MAP3K2: variants seen among roughly 807,000 people sequenced by gnomAD.
MAP3K2 encodes the protein mitogen-activated protein kinase kinase kinase 2.
In MAP3K2, 24 loss-of-function variants were observed where a neutral mutation model predicts 80.3. The ratio of observed to expected loss-of-function variants is 0.30; its 90% CI spans 0.22 to 0.42. The LOEUF (loss-of-function observed/expected upper bound fraction) is 0.42, where lower values mean the gene tolerates loss of function less well. Among genes scored for constraint, MAP3K2 ranks in the 10% least tolerant of loss-of-function variants. MAP3K2 has a pLI of 1.00. For synonymous variants in MAP3K2, 244 were observed against 253.7 expected (o/e 0.96, Z 0.36); for missense variants, 608 against 750.1 (o/e 0.81, Z 2.21).
Position 127,317,710 on chromosome 2 carries a change from A to G in MAP3K2, c.1245T>C (p.His415=), listed in dbSNP as rs779188775. The change falls in exon 14 of 17, where the codon CAT becomes CAC. Residue 415 remains histidine (H), a synonymous_variant. Transcript: ENST00000682094. ...CEIQLLKNLL[H]ERIVQYYGCL... ...AGCCATAATACTGAACAATTCGCTC[A>G]TGTAGCAAGTTTTTCAGCAACTGAA... 17 of 1,600,860 alleles carry G rather than the reference A, an allele frequency of 1.1e-5. No individual in the cohort carries two copies. In the East Asian group the frequency reaches 3.8e-4, roughly 36 times the overall value.
chr2:127,354,093 A>G lies in MAP3K2; in HGVS notation c.-65-10899T>C, dbSNP rs2104864272. Reference sequence around the variant, plus strand: ...ACTCCCTAATCTCAAGTACCCAGGGACACAAACACTGTGGAAGGCCGCAGG... The same window carrying G: ...ACTCCCTAATCTCAAGTACCCAGGGGCACAAACACTGTGGAAGGCCGCAGG... On this transcript the variant is annotated intron_variant, in intron 1 of 16. Transcript: ENST00000682094. Among the ~76,000 whole-genome samples, 2 of 152,090 alleles carry G rather than the reference A, an allele frequency of 1.3e-5. 1 individual carries two copies. The highest frequency in any genetic ancestry group is 1.3e-4 in the Admixed American group (2 of 15,286).
At chr2:127,374,500 GC>G (rs905546686) in intron 1 of MAP3K2, among the ~76,000 whole-genome samples, 6 of 152,134 alleles carry the variant, frequency 3.9e-5, no homozygotes, top group African/African-American at 1.4e-4. Flanking sequence ...CCAGAGACTA[GC>G]TAAACAAATT....
Position 127,305,487 on chromosome 2 carries a change from C to T in MAP3K2, c.*2092G>A, listed in dbSNP as rs1237483208. On this transcript the variant is annotated 3_prime_UTR_variant, in exon 17 of 17. Transcript: ENST00000682094. ...ACTAGCTAGTGGAATTTCAAATATT[C>T]CTACAGGGAATGCTAGGTAGGACCT... is the stretch of plus-strand genomic sequence containing the variant. 6.6e-6 allele frequency: 1 copy of T among 152,028 alleles called. No individual in the cohort carries two copies. Among genetic ancestry groups the T allele is most frequent in the African/African-American group, 2.4e-5 (1 of 41,412 alleles). 9.4% of individuals were successfully genotyped at this position (152,028 alleles called of 1,614,324 possible).
chr2:127,384,575 G>A (rs1290938930), intron 1 of MAP3K2, among the ~76,000 whole-genome samples: 1 of 152,162 alleles, frequency 6.6e-6, no homozygotes, highest in African/African-American at 2.4e-5. Context: ...AACTGTAGAT[G>A]TGACGGAAAG....
At chr2:127,353,023 T>G (rs1573998345) in intron 1 of MAP3K2, among the ~76,000 whole-genome samples, 1 of 152,124 alleles carries the variant, frequency 6.6e-6, no homozygotes, top group East Asian at 1.9e-4. Context: ...CAGGCTGGAG[T>G]GCAGTGGCGT....
chr2:127,353,258 G>A (rs1005073475), intron 1 of MAP3K2, among the ~76,000 whole-genome samples: 2 of 151,740 alleles, frequency 1.3e-5, no homozygotes, highest in African/African-American at 4.9e-5. Context: ...AGTGACGAGC[G>A]TCTCTGCCCG....
In MAP3K2 at chr2:127,299,484, G is replaced by C. The variant is rs981958898; in HGVS notation, c.*8095C>G. 1.3e-5 allele frequency: 2 copies of C among 152,160 alleles called. No individual in the cohort carries two copies. Among genetic ancestry groups the C allele is most frequent in the Non-Finnish European group, 2.9e-5 (2 of 68,008 alleles). 9.4% of individuals were successfully genotyped at this position (152,160 alleles called of 1,614,324 possible). A position where few individuals can be genotyped will look rare whatever the true frequency, so the allele number is the denominator to read the frequency against. On this transcript the variant is annotated 3_prime_UTR_variant, in exon 17 of 17. Coordinates refer to ENST00000682094, the MANE Select transcript of MAP3K2 (RefSeq NM_001371910.2). ...ATACAGGAAATATTCAAAGACAACA[G>C]TAGGACAGGCCAATAGCAACTGGAG... is the stretch of plus-strand genomic sequence containing the variant.
chr2:127,325,826 C>A lies in MAP3K2; in HGVS notation c.598-19G>T. 3 of 1,573,010 alleles carry A rather than the reference C, an allele frequency of 1.9e-6. No homozygotes were observed. Among genetic ancestry groups the A allele is most frequent in the African/African-American group, 1.4e-5 (1 of 73,880 alleles). ...CCAGCATCTAGGAAAAAAAGGAGTT[C>A]CACCATGATTCAATTTGATATAACC... is the stretch of plus-strand genomic sequence containing the variant. On this transcript the variant is annotated intron_variant, in intron 8 of 16. Transcript: ENST00000682094.
At chr2:127,344,470 G>T (rs1686558838) in intron 1 of MAP3K2, among the ~76,000 whole-genome samples, 1 of 146,412 alleles carries the variant, frequency 6.8e-6, no homozygotes, top group Non-Finnish European at 1.5e-5. Context: ...GGCAACATAG[G>T]GAGACTCCCA....
chr2:127,336,668 C>A (rs369977292), intron 4 of MAP3K2, among the ~76,000 whole-genome samples: 3 of 151,926 alleles, frequency 2.0e-5, no homozygotes, highest in African/African-American at 7.3e-5. Flanking sequence ...GGAAAATATC[C>A]AAAAAAGAAT....
intron 7 of MAP3K2, 138 bp from the exon 8 acceptor site, chr2:127,326,955 C>T (rs1002605659): frequency 5.6e-6 from 3 of 534,066 alleles, no homozygotes; most frequent in African/African-American, 3.8e-5. Flanking sequence ...CTTATCAGAA[C>T]ATTCATTTGT....
At position 127,339,919 on chromosome 2, in the gene MAP3K2, G is replaced by T. The variant is rs1470410030; in HGVS notation, c.5-869C>A. On this transcript the variant is annotated intron_variant, in intron 2 of 16. Coordinates refer to ENST00000682094, the MANE Select transcript of MAP3K2 (RefSeq NM_001371910.2). This position sits in a 1 kb window ranked among gnomAD's most constrained non-coding sequence, Gnocchi z 4.2. ...TTACATTTTAAAATGTAACCATTTT[G>T]GTGAGCAGTAACTTATGTTCTTGGA... Among the ~76,000 whole-genome samples, 1 of 152,100 alleles carries T rather than the reference G, an allele frequency of 6.6e-6. No individual in the cohort carries two copies. The highest frequency in any genetic ancestry group is 1.5e-5 in the Non-Finnish European group (1 of 68,018).
chr2:127,331,556 A>G (rs1686256014), intron 5 of MAP3K2, among the ~76,000 whole-genome samples: 1 of 152,232 alleles, frequency 6.6e-6, no homozygotes, highest in Non-Finnish European at 1.5e-5. Flanking sequence ...CAAACCCACT[A>G]GCTGGCATGG....
intron 1 of MAP3K2, among the ~76,000 whole-genome samples, chr2:127,385,339 A>T (rs1324513675): frequency 1.3e-5 from 2 of 152,246 alleles, no homozygotes; most frequent in Non-Finnish European, 2.9e-5. Context: ...CAAAAAGATT[A>T]CAATTCCCTA....
At chr2:127,357,829 A>C (rs1686821575) in intron 1 of MAP3K2, among the ~76,000 whole-genome samples, 1 of 152,194 alleles carries the variant, frequency 6.6e-6, no homozygotes, top group Admixed American at 6.5e-5. Flanking sequence ...AATAGATCAT[A>C]AACCTACATA....
intron 1 of MAP3K2, among the ~76,000 whole-genome samples, chr2:127,367,653 C>T (rs562287246): frequency 2.4e-4 from 37 of 152,092 alleles, no homozygotes; most frequent in African/African-American, 5.8e-4. Context: ...ATTAGCCAGG[C>T]GTGGTGGCAC....
At chr2:127,381,306 G>A (rs1391302607) in intron 1 of MAP3K2, among the ~76,000 whole-genome samples, 1 of 152,106 alleles carries the variant, frequency 6.6e-6, no homozygotes, top group Non-Finnish European at 1.5e-5. Context: ...TTGTATTTCT[G>A]GGTTATTCTT....
intron 1 of MAP3K2, among the ~76,000 whole-genome samples, chr2:127,377,559 C>CT (rs1687172516): frequency 6.6e-6 from 1 of 152,110 alleles, no homozygotes; most frequent in Non-Finnish European, 1.5e-5. Context: ...TTTGCTCTAA[C>CT]TGGAAGAGCC....
At position 127,298,715 on chromosome 2, in the gene MAP3K2, C is replaced by T. The variant is rs1685532270; in HGVS notation, c.*8864G>A. ...CTTTATTAACACTCAAAGTGCCATT[C>T]ATTTATATTCATTCCATAGTCCAGA... On this transcript the variant is annotated 3_prime_UTR_variant, in exon 17 of 17. Transcript: ENST00000682094. 6.6e-6 allele frequency: 1 copy of T among 152,192 alleles called. No homozygotes were observed. Among genetic ancestry groups the T allele is most frequent in the South Asian group, 2.1e-4 (1 of 4,830 alleles). The allele number at this position is 152,192 out of a possible 1,614,324, so 9.4% of individuals were successfully genotyped here.
Sources: gnomAD v4.1 joint callset for allele counts (sites outside exome capture counted in the v4.1 genomes callset) on GRCh38, gnomAD v4.1.1 for gene constraint, Gnocchi (gnomAD v3.1) non-coding constraint, MANE v1.5 for transcripts, NCBI Gene and HGNC (gene_info 2026-07-23, HGNC 2026-07-21) for gene names.